The following ABCG1 variants were observed in gnomAD, a reference collection of about 807,000 sequenced individuals.
The protein encoded by ABCG1 is ATP binding cassette subfamily G member 1.
Under a neutral mutation model 69.2 loss-of-function variants are expected in ABCG1, and 29 were observed. That is an observed-to-expected ratio of 0.42 (90% CI 0.31 to 0.57). The LOEUF is 0.57. Among genes scored for constraint, ABCG1 ranks in the 20% least tolerant of loss-of-function variants. The pLI is 0.15. For synonymous variants in ABCG1, 370 were observed against 374.8 expected (o/e 0.99, Z 0.15); for missense variants, 718 against 898.1 (o/e 0.80, Z 2.56).
At chr21:42,243,465 T>G (rs931209737) in intron 2 of ABCG1, among the ~76,000 whole-genome samples, 2 of 150,198 alleles carry the variant, frequency 1.3e-5, no homozygotes, top group Non-Finnish European at 3.0e-5. Flanking sequence ...TGTGTGTGTG[T>G]GTGTGTGTGT....
intron 2 of ABCG1, among the ~76,000 whole-genome samples, chr21:42,248,503 A>G (rs987088648): frequency 1.2e-4 from 19 of 152,162 alleles, no homozygotes; most frequent in Middle Eastern, 3.2e-3. Flanking sequence ...GTGGCCCAGC[A>G]TTTTCACTTC....
intron 4 of ABCG1, among the ~76,000 whole-genome samples, chr21:42,275,647 G>A (rs868786696): frequency 6.6e-6 from 1 of 152,134 alleles, no homozygotes. Flanking sequence ...CCACAGATGC[G>A]ACTAGGGACT....
At position 42,273,631 on chromosome 21, in the gene ABCG1, A is replaced by T. The variant is rs2276233; in HGVS notation, c.537+196A>T. On this transcript the variant is annotated intron_variant, in intron 4 of 14. Coordinates refer to ENST00000398449, the MANE Select transcript of ABCG1 (RefSeq NM_016818.3). The surrounding 1 kb of genome is among the most constrained non-coding windows in gnomAD (Gnocchi z 5.3). ...GTTGGGACAGGCAGCATCATCCCAA[A>T]ACCCCCCAAGACTGTGAGTTTAATG... 1.9e-3 allele frequency among the ~76,000 whole-genome samples: 288 copies of T among 152,196 alleles called. 1 individual carries two copies. The highest frequency in any genetic ancestry group is 0.016 in the East Asian group (82 of 5,170).
chr21:42,204,420 G>A (rs2067528146), intron 2 of ABCG1, among the ~76,000 whole-genome samples: 2 of 152,094 alleles, frequency 1.3e-5, no homozygotes, highest in African/African-American at 2.4e-5. Context: ...TCTCTATTCC[G>A]ATTTTTCTGA....
At chr21:42,209,015 T>A (rs561174921) in intron 2 of ABCG1, among the ~76,000 whole-genome samples, 3 of 152,080 alleles carry the variant, frequency 2.0e-5, no homozygotes, top group African/African-American at 7.2e-5. Context: ...GAGAAATGTC[T>A]CGGAGCCTGG....
chr21:42,286,034 A>G (rs1293880854), intron 8 of ABCG1, 40 bp downstream of exon 8: 2 of 1,408,970 alleles, frequency 1.4e-6, no homozygotes, highest in East Asian at 4.6e-5. Context: ...CAGAAAGGGG[A>G]TTTTCCTCCT....
chr21:42,270,910 C>T (rs1459775947), intron 2 of ABCG1, among the ~76,000 whole-genome samples, 160 bp from the exon 3 acceptor site: 1 of 152,136 alleles, frequency 6.6e-6, no homozygotes, highest in Non-Finnish European at 1.5e-5. Context: ...CCAGGGAATT[C>T]GAAAGACATG....
chr21:42,200,969 G>A (rs973337059), intron 1 of ABCG1, among the ~76,000 whole-genome samples: 10 of 152,116 alleles, frequency 6.6e-5, no homozygotes, highest in African/African-American at 1.9e-4. Context: ...TGTGCAGGAT[G>A]TGCAGGTTTG....
chr21:42,215,649 A>C (rs2123481105), upstream of ABCG1, among the ~76,000 whole-genome samples: 1 of 152,310 alleles, frequency 6.6e-6, no homozygotes, highest in Non-Finnish European at 1.5e-5. Flanking sequence ...AGGAACTGGC[A>C]CCCATCCCGA....
rs1555961878 is a variant in ABCG1 at position 42,284,139 on chromosome 21, TC to T, written c.735-414del. On this transcript the variant is annotated intron_variant, in intron 6 of 14. Coordinates refer to ENST00000398449, the MANE Select transcript of ABCG1 (RefSeq NM_016818.3). ...CTGTCCCGCCTGGACAGTTGCGAAG[TC>T]CCCCCCGCCCAGATGAGTGGGGACC... Among the ~76,000 whole-genome samples, 3 of 422 alleles carry T rather than the reference TC, an allele frequency of 7.1e-3. 1 individual carries two copies. The highest frequency in any genetic ancestry group is 8.9e-3 in the Non-Finnish European group (2 of 224). 0.3% of individuals were successfully genotyped at this position (422 alleles called of 152,430 possible).
intron 14 of ABCG1, chr21:42,295,191 C>T (rs113860631): frequency 0.026 from 4,027 of 154,414 alleles, 186 homozygotes; most frequent in African/African-American, 0.091. Context: ...GGCTTGGTGG[C>T]GCGCGACTGT....
exon 2 of ABCG1, chr21:42,201,581 A>C (rs2067506633): frequency 1.4e-5 from 21 of 1,538,354 alleles, no homozygotes; most frequent in Non-Finnish European, 1.6e-5. Flanking sequence ...CCACAGCGCT[A>C]CACCAACCTG....
chr21:42,285,293 T>G (rs1415381938), intron 7 of ABCG1, among the ~76,000 whole-genome samples: 4 of 151,064 alleles, frequency 2.6e-5, no homozygotes, highest in Non-Finnish European at 5.9e-5. Flanking sequence ...AGCTCAGGAG[T>G]TGAAGAACAA....
chr21:42,282,564 C>A, intron 6 of ABCG1, 145 bp downstream of exon 6: 1 of 957,578 alleles, frequency 1.0e-6, no homozygotes, highest in Non-Finnish European at 1.5e-6. Flanking sequence ...CCATCTGGGA[C>A]CACTGGGCAG....
At chr21:42,226,203 G>A (rs1415813790) in intron 2 of ABCG1, among the ~76,000 whole-genome samples, 1 of 152,134 alleles carries the variant, frequency 6.6e-6, no homozygotes, top group African/African-American at 2.4e-5. Flanking sequence ...GCCTGTTTCT[G>A]GCATGTGCTG....
At chr21:42,240,446 GT>G (rs2123593786) in intron 2 of ABCG1, among the ~76,000 whole-genome samples, 1 of 152,340 alleles carries the variant, frequency 6.6e-6, no homozygotes, top group African/African-American at 2.4e-5. Context: ...GGCTTAAAAA[GT>G]TGTTTGGTTT....
chr21:42,219,041 G>A (rs942422856), upstream of ABCG1: 1 of 247,828 alleles, frequency 4.0e-6, no homozygotes, highest in Non-Finnish European at 7.4e-6. The surrounding 1 kb of genome is among the most constrained non-coding windows in gnomAD (Gnocchi z 5.3). Context: ...ACAAGAGCAC[G>A]CGCACCTGCC....
chr21:42,223,425 A>T (rs2067762488), intron 1 of ABCG1, among the ~76,000 whole-genome samples: 1 of 151,756 alleles, frequency 6.6e-6, no homozygotes, highest in African/African-American at 2.4e-5. Context: ...ACCTATTGTA[A>T]TTAGTTGGTC....
intron 2 of ABCG1, among the ~76,000 whole-genome samples, chr21:42,262,691 C>T (rs149871974): frequency 0.01 from 1,573 of 152,308 alleles, 16 homozygotes; most frequent in African/African-American, 0.035. Context: ...CTCTTGGCCC[C>T]GGGTGCAAGA....
Sources: allele counts gnomAD v4.1 joint callset (sites outside exome capture counted in the v4.1 genomes callset), GRCh38; gene constraint gnomAD v4.1.1; non-coding constraint Gnocchi (gnomAD v3.1); transcripts MANE v1.5; gene names NCBI Gene and HGNC (gene_info 2026-07-23, HGNC 2026-07-21).